The following SEC13 variants were observed in gnomAD, a reference collection of about 807,000 sequenced individuals.
SEC13 encodes protein SEC13 homolog.
In SEC13, 25 loss-of-function variants were observed where a neutral mutation model predicts 49.2. The observed-to-expected ratio is 0.51, with a 90% confidence interval of 0.37 to 0.71. The LOEUF (loss-of-function observed/expected upper bound fraction) is 0.71, where lower values mean the gene tolerates loss of function less well. SEC13 is among the 30% of genes least tolerant of loss of function. SEC13 has a pLI of 0.00. For synonymous variants in SEC13, 148 were observed against 163.9 expected, an observed-to-expected ratio of 0.90 and a Z score of 0.74; for missense variants, 383 against 417.6, an observed-to-expected ratio of 0.92 and a Z score of 0.72.
chr3:10,311,856 C>A (rs200530897), intron 5 of SEC13, 109 bp downstream of exon 5: 3 of 1,600,854 alleles, frequency 1.9e-6, no homozygotes, highest in Non-Finnish European at 1.7e-6. Context: ...GACCACTCCC[C>A]GGCCCACTGT....
At chr3:10,306,605 T>C (rs1022285109) in intron 5 of SEC13, among the ~76,000 whole-genome samples, 3 of 152,196 alleles carry the variant, frequency 2.0e-5, no homozygotes, top group Admixed American at 1.3e-4. Flanking sequence ...AGGTCTGATA[T>C]GGTTTGGCTG....
chr3:10,307,993 G>T (rs949502093), intron 5 of SEC13, among the ~76,000 whole-genome samples: 2 of 152,088 alleles, frequency 1.3e-5, no homozygotes, highest in Admixed American at 6.6e-5. Flanking sequence ...CTCAGGAAGG[G>T]CTCCTAGAAA....
chr3:10,318,571 T>G lies in SEC13; in HGVS notation c.4-477A>C, dbSNP rs892606287. On this transcript the variant is annotated intron_variant, in intron 1 of 8. Transcript: ENST00000350697. Reference sequence around the variant, plus strand: ...GGTTGAGGAGAGACCCCAAGGGAGCTACAGCTGGTGTTCCTTTCCTGGATG... The same window carrying G: ...GGTTGAGGAGAGACCCCAAGGGAGCGACAGCTGGTGTTCCTTTCCTGGATG... 1.3e-5 allele frequency among the ~76,000 whole-genome samples: 2 copies of G among 152,106 alleles called. 1 individual carries two copies. Among genetic ancestry groups the G allele is most frequent in the Non-Finnish European group, 2.9e-5 (2 of 68,028 alleles).
Position 10,304,150 on chromosome 3 carries a change from G to T in SEC13, c.731C>A (p.Thr244Asn). 1 of 1,614,112 alleles carries T rather than the reference G, an allele frequency of 6.2e-7. No individual in the cohort carries two copies. Among genetic ancestry groups the T allele is most frequent in the Non-Finnish European group, 8.5e-7 (1 of 1,179,996 alleles). The change falls in exon 8 of 9, where the codon ACC becomes AAC. Residue 244 changes from threonine (T) to asparagine (N), a missense_variant. Thr to Asn is a moderately conservative substitution (Grantham distance 65, BLOSUM62 0). Coordinates refer to ENST00000350697, the MANE Select transcript of SEC13 (RefSeq NM_183352.3). ...CSQDGRVFIWTCDDASSNTWS... is the reference protein window; with the variant it reads ...CSQDGRVFIWNCDDASSNTWS... ...CGTATTGCTTGAGGCATCATCACAG[G>T]TCCAAATGAACACACGACCATCCTA...
rs1378583332 is a variant in SEC13 at position 10,312,923 on chromosome 3, G to A, written c.165-193C>T. On this transcript the variant is annotated intron_variant, in intron 3 of 8. Coordinates refer to ENST00000350697, the MANE Select transcript of SEC13 (RefSeq NM_183352.3). Reference sequence around the variant, plus strand: ...GGAGCCTGAGGTCCTAAGAGGTTAAGCAACCTAAGGTCACAGAGCCTTTGA... The same window carrying A: ...GGAGCCTGAGGTCCTAAGAGGTTAAACAACCTAAGGTCACAGAGCCTTTGA... The A allele has an allele frequency of 2.1e-5, 12 of 562,116 alleles. No homozygotes were observed. The East Asian group carries it at 3.3e-4, about 15-fold the overall frequency. The allele number at this position is 562,116 out of a possible 1,614,324, so 34.8% of individuals were successfully genotyped here. A position where few individuals can be genotyped will look rare whatever the true frequency, so the allele number is the denominator to read the frequency against.
intron 5 of SEC13, chr3:10,311,629 T>C (rs1701261724): frequency 1.8e-6 from 2 of 1,120,522 alleles, no homozygotes; most frequent in Non-Finnish European, 2.2e-6. Context: ...TTTAAAAGTT[T>C]TAATAACACC....
In SEC13 at chr3:10,303,120, T is replaced by A. The variant is rs576670378; in HGVS notation, c.855+906A>T. ...TCTGGAGACCAGCTGCTTCTCTGCCTTGCCTGTGTTGGTTGTGCCGTGAGC... is the reference window on the plus strand; with the variant it reads ...TCTGGAGACCAGCTGCTTCTCTGCCATGCCTGTGTTGGTTGTGCCGTGAGC... On this transcript the variant is annotated intron_variant, in intron 8 of 8. Transcript: ENST00000350697. 3.0e-4 allele frequency among the ~76,000 whole-genome samples: 45 copies of A among 152,338 alleles called. No individual in the cohort carries two copies. The South Asian group carries it at 8.1e-3, about 27-fold the overall frequency.
chr3:10,308,703 T>C (rs987698609), intron 5 of SEC13, among the ~76,000 whole-genome samples: 2 of 151,630 alleles, frequency 1.3e-5, no homozygotes, highest in Non-Finnish European at 2.9e-5. Context: ...AGTCACAAGG[T>C]TCCTTTTCTC....
Position 10,321,015 on chromosome 3 carries a change from T to A in SEC13, c.3+35A>T, listed in dbSNP as rs374493867. The A allele has an allele frequency of 2.5e-6, 4 of 1,609,896 alleles. No homozygotes were observed. Among genetic ancestry groups the A allele is most frequent in the Middle Eastern group, 3.3e-4 (2 of 6,072 alleles). ...CCCGTGAAGGCCGCGACCGTGGCCTTCACCCTGCTAGGCCTCCTCAGTACC... is the reference window on the plus strand; with the variant it reads ...CCCGTGAAGGCCGCGACCGTGGCCTACACCCTGCTAGGCCTCCTCAGTACC... On this transcript the variant is annotated intron_variant, in intron 1 of 8. Coordinates refer to ENST00000350697, the MANE Select transcript of SEC13 (RefSeq NM_183352.3). This position sits in a 1 kb window ranked among gnomAD's most constrained non-coding sequence, Gnocchi z 4.1.
intron 8 of SEC13, among the ~76,000 whole-genome samples, chr3:10,301,665 G>C (rs1244622365): frequency 6.6e-6 from 1 of 152,192 alleles, no homozygotes; most frequent in African/African-American, 2.4e-5. Context: ...CGGGGAGCAG[G>C]GTTCGCAAAG....
rs536611711 is a variant in SEC13, at chr3:10,303,630, A to G, written c.855+396T>C. 4.1e-5 allele frequency: 11 copies of G among 271,122 alleles called. No homozygotes were observed. The East Asian group carries it at 1.0e-3, about 25-fold the overall frequency. The allele number at this position is 271,122 out of a possible 1,614,324, so 16.8% of individuals were successfully genotyped here. A position where few individuals can be genotyped will look rare whatever the true frequency, so the allele number is the denominator to read the frequency against. ...CTAAAGGTTTTTAAAAAGCCTTTTC[A>G]GTGTTATGGACAAAAAATATCCCCA... On this transcript the variant is annotated intron_variant, in intron 8 of 8. Transcript: ENST00000350697.
chr3:10,301,184 C>A lies in SEC13; in HGVS notation c.*77G>T. Reference sequence around the variant, plus strand: ...ATCCTGTTGGAGTTGGGGGCTCTTCCCAGTTGTCTGGTTAGTTGGCCCAGG... The same window carrying A: ...ATCCTGTTGGAGTTGGGGGCTCTTCACAGTTGTCTGGTTAGTTGGCCCAGG... On this transcript the variant is annotated 3_prime_UTR_variant, in exon 9 of 9. Coordinates refer to ENST00000350697, the MANE Select transcript of SEC13 (RefSeq NM_183352.3). 1 of 1,613,818 alleles carries A rather than the reference C, an allele frequency of 6.2e-7. No homozygotes were observed. Among genetic ancestry groups the A allele is most frequent in the Non-Finnish European group, 8.5e-7 (1 of 1,179,768 alleles).
At chr3:10,302,264 A>G (rs1019577760) in intron 8 of SEC13, among the ~76,000 whole-genome samples, 4 of 152,106 alleles carry the variant, frequency 2.6e-5, no homozygotes, top group African/African-American at 9.7e-5. Context: ...AACAAAAACA[A>G]TCTAAACCTA....
chr3:10,315,171 C>T (rs1034196257), intron 3 of SEC13, 150 bp downstream of exon 3: 3 of 621,850 alleles, frequency 4.8e-6, no homozygotes, highest in Non-Finnish European at 8.7e-6. Context: ...TGAGGACAGC[C>T]AGGCTGGCTG....
chr3:10,305,203 C>A, intron 6 of SEC13, 47 bp from the exon 7 acceptor site: 2 of 1,558,932 alleles, frequency 1.3e-6, no homozygotes, highest in Admixed American at 1.9e-5. Flanking sequence ...CGTTCCCACA[C>A]CTCAACTCCT....
In SEC13 at chr3:10,304,229, G is replaced by A. The variant is rs566840871; in HGVS notation, c.709-57C>T. The A allele has an allele frequency of 1.3e-5, 20 of 1,586,144 alleles. No individual in the cohort carries two copies. The African/African-American group carries it at 2.0e-4, about 16-fold the overall frequency. On this transcript the variant is annotated intron_variant, in intron 7 of 8. Transcript: ENST00000350697. The stretch of plus-strand genomic sequence containing the variant: ...GAGTCAAGACTCCTGCGTTTGTGAT[G>A]TGATGTCCTCCCAGTCTAGAGCCAC...
intron 1 of SEC13, 189 bp downstream of exon 1, chr3:10,320,861 T>G: frequency 7.6e-7 from 1 of 1,319,890 alleles, no homozygotes; most frequent in African/African-American, 1.6e-5. Context: ...GGGAGGTTCC[T>G]CGGCCTCACC....
intron 2 of SEC13, among the ~76,000 whole-genome samples, chr3:10,316,311 C>T (rs764344151): frequency 2.0e-5 from 3 of 152,176 alleles, no homozygotes; most frequent in African/African-American, 4.8e-5. Flanking sequence ...GGACTATCAG[C>T]TGCACTCCCA....
At chr3:10,309,332 C>CTGTT (rs1167751779) in intron 5 of SEC13, among the ~76,000 whole-genome samples, 9 of 152,108 alleles carry the variant, frequency 5.9e-5, no homozygotes, top group African/African-American at 1.7e-4. Flanking sequence ...TTTTGGTATT[C>CTGTT]TGTTTTCCTT....
Sources: allele counts gnomAD v4.1 joint callset (sites outside exome capture counted in the v4.1 genomes callset), GRCh38; gene constraint gnomAD v4.1.1; non-coding constraint Gnocchi (gnomAD v3.1); transcripts MANE v1.5; gene names NCBI Gene and HGNC (gene_info 2026-07-23, HGNC 2026-07-21).